ANKRD24: variants seen among roughly 807,000 people sequenced by gnomAD.
ANKRD24 encodes the protein ankyrin repeat domain 24.
ANKRD24 carries 109 observed loss-of-function variants against 127.8 expected under a neutral mutation model. The ratio of observed to expected loss-of-function variants is 0.85; its 90% CI spans 0.73 to 1.00. The LOEUF (loss-of-function observed/expected upper bound fraction) is 1.00. Among genes scored for constraint, ANKRD24 ranks in the 50% least tolerant of loss-of-function variants. The pLI, the probability that ANKRD24 is intolerant of heterozygous loss-of-function variation, is 0.00. For synonymous variants in ANKRD24, 743 were observed against 671.1 expected, an observed-to-expected ratio of 1.11 and a Z score of -1.66; for missense variants, 1,648 against 1,570.2, an observed-to-expected ratio of 1.05 and a Z score of -0.84.
chr19:4,202,890 G>C lies in ANKRD24; in HGVS notation c.430G>C (p.Val144Leu), dbSNP rs1376571961. 6.3e-7 allele frequency: 1 copy of C among 1,590,742 alleles called. No individual in the cohort carries two copies. Among genetic ancestry groups the C allele is most frequent in the South Asian group, 1.2e-5 (1 of 86,872 alleles). ...CCAGGCTTCCTGCGTGGTGGACGTC[G>C]TGGACAGCAGCGGGTGGACTGCCCT... ...LLQASCVVDVVDSSGWTALHH... is the reference protein window; with the variant it reads ...LLQASCVVDVLDSSGWTALHH... Residue 144 changes from valine (V) to leucine (L), a missense_variant, in exon 7 of 22, where the codon GTG (valine) becomes CTG (leucine). Val to Leu is a conservative substitution (Grantham distance 32). Coordinates refer to ENST00000318934, the MANE Select transcript of ANKRD24 (RefSeq NM_001393985.1).
intron 2 of ANKRD24, among the ~76,000 whole-genome samples, chr19:4,197,785 A>T (rs556562409): frequency 6.6e-6 from 1 of 151,572 alleles, no homozygotes; most frequent in African/African-American, 2.4e-5. Flanking sequence ...GAACAAGCGA[A>T]TGAATGAATA....
chr19:4,216,529 G>A (rs1035958325), intron 17 of ANKRD24, 21 bp from the exon 18 acceptor site: 15 of 1,587,938 alleles, frequency 9.4e-6, no homozygotes, highest in Non-Finnish European at 1.3e-5. Flanking sequence ...CCAGACTCCT[G>A]CCCCCCACTC....
At chr19:4,196,623 C>T (rs1968757929) in intron 2 of ANKRD24, among the ~76,000 whole-genome samples, 1 of 152,204 alleles carries the variant, frequency 6.6e-6, no homozygotes, top group Non-Finnish European at 1.5e-5. Flanking sequence ...GATCTGCCCG[C>T]CTCGGCCTCC....
chr19:4,217,304 C>T lies in ANKRD24; in HGVS notation c.2144C>T (p.Ala715Val). Residue 715 changes from alanine (A) to valine (V), a missense_variant, in exon 18 of 22, where the codon GCA (alanine) becomes GTA (valine). Physicochemically the swap from Ala to Val is moderately conservative, Grantham distance 64. Transcript: ENST00000318934. ...SAGPILHPGA[A>V]EASEKLQVEL... is the part of the protein sequence containing the mutation. ...GGCCCCATCCTACATCCTGGTGCCG[C>T]AGAGGCCTCGGAAAAGCTTCAAGTA... The T allele has an allele frequency of 6.4e-7, 1 of 1,553,630 alleles. No individual in the cohort carries two copies. The highest frequency in any genetic ancestry group is 8.7e-7 in the Non-Finnish European group (1 of 1,148,244).
chr19:4,205,949 T>C (rs1969355811), intron 7 of ANKRD24, among the ~76,000 whole-genome samples: 1 of 150,742 alleles, frequency 6.6e-6, no homozygotes, highest in Non-Finnish European at 1.5e-5. Flanking sequence ...GAGACCATCC[T>C]GGCTAACACG....
rs187710811 is a variant in ANKRD24, at chr19:4,218,552, A to G, written c.3003+389A>G. Among the ~76,000 whole-genome samples the G allele has an allele frequency of 4.0e-3, 613 of 152,106 alleles. 3 individuals are homozygous for G. The highest frequency in any genetic ancestry group is 0.014 in the African/African-American group (581 of 41,494). On this transcript the variant is annotated intron_variant, in intron 18 of 21. Transcript: ENST00000318934. ...TGACCTCAGGTGATCCACCCACCTC[A>G]GCCTCTCAAAGTGCTGGGATTATGG...
chr19:4,189,243 C>CTTTTTTTTTT (rs398033749), intron 2 of ANKRD24, among the ~76,000 whole-genome samples: 55 of 73,942 alleles, frequency 7.4e-4, no homozygotes, highest in East Asian at 1.9e-3. Flanking sequence ...TTTCTTTCTT[C>CTTTTTTTTTT]TTTTTTTTTT....
At chr19:4,206,396 G>A (rs1255096603) in intron 7 of ANKRD24, among the ~76,000 whole-genome samples, 1 of 151,460 alleles carries the variant, frequency 6.6e-6, no homozygotes, top group East Asian at 1.9e-4. Context: ...GCGGCAGATT[G>A]CTTGAGCCCA....
intron 2 of ANKRD24, among the ~76,000 whole-genome samples, chr19:4,193,845 G>GAGGGAGGGAAGGAAGGA (rs573649233): frequency 0.018 from 743 of 40,576 alleles, 144 homozygotes; most frequent in African/African-American, 0.089. Flanking sequence ...GGGAGGGAGG[G>GAGGGAGGGAAGGAAGGA]AGGAAGGAAG....
At position 4,216,607 on chromosome 19, in the gene ANKRD24, G is replaced by A; in HGVS notation, c.1447G>A (p.Val483Ile). The change falls in exon 18 of 22, where the codon GTC becomes ATC. Residue 483 changes from valine to isoleucine, a missense_variant. Physicochemically the swap from Val to Ile is conservative, Grantham distance 29 (BLOSUM62 3). Transcript: ENST00000318934. ...GATGGAAGTGGAAGCTTTGGCAGAG[G>A]TCATCCCTCTTGCCCTCTATGACTC... ...TQMEVEALAE[V>I]IPLALYDSLR... 6.2e-7 allele frequency: 1 copy of A among 1,611,742 alleles called. No individual in the cohort carries two copies. Among genetic ancestry groups the A allele is most frequent in the Non-Finnish European group, 8.5e-7 (1 of 1,179,046 alleles).
intron 21 of ANKRD24, 109 bp downstream of exon 21, chr19:4,224,301 C>G: frequency 7.1e-7 from 1 of 1,413,968 alleles, no homozygotes; most frequent in East Asian, 2.5e-5. Context: ...GGGAGAGGTT[C>G]GTGGCATGTG....
At chr19:4,207,085 CTTT>C (rs34475477) in intron 7 of ANKRD24, 154 bp from the exon 8 acceptor site, 8,875 of 420,652 alleles carry the variant, frequency 0.021, no homozygotes, top group Middle Eastern at 0.031. Flanking sequence ...ATAATGTTTG[CTTT>C]TTTTTTTTTT....
intron 7 of ANKRD24, among the ~76,000 whole-genome samples, chr19:4,203,435 C>T (rs1050971028): frequency 1.3e-5 from 2 of 152,144 alleles, no homozygotes; most frequent in African/African-American, 4.8e-5. Context: ...CATCCTTGAC[C>T]TCCCGGGTTC....
In ANKRD24 at chr19:4,199,005, C is replaced by T. The variant is rs981153245; in HGVS notation, c.37-678C>T. On this transcript the variant is annotated intron_variant, in intron 2 of 21. Transcript: ENST00000318934. The surrounding 1 kb of genome is among the most constrained non-coding windows in gnomAD (Gnocchi z 5.2). ...GAACACTTCAGGAATTTGGGGGAGA[C>T]ATTTCGTAATGCATTTCAGGCTATA... is the stretch of plus-strand genomic sequence containing the variant. 6.6e-6 allele frequency among the ~76,000 whole-genome samples: 1 copy of T among 152,018 alleles called. No homozygotes were observed. The highest frequency in any genetic ancestry group is 1.5e-5 in the Non-Finnish European group (1 of 68,016).
intron 11 of ANKRD24, 49 bp downstream of exon 11, chr19:4,208,850 T>G: frequency 6.3e-7 from 1 of 1,581,352 alleles, no homozygotes; most frequent in Non-Finnish European, 8.7e-7. Flanking sequence ...GCATCCACAC[T>G]AACTTCTCCC....
intron 20 of ANKRD24, among the ~76,000 whole-genome samples, chr19:4,223,657 C>T (rs898804657): frequency 2.6e-5 from 4 of 152,030 alleles, no homozygotes; most frequent in South Asian, 2.1e-4. Flanking sequence ...CTCCGCCTCC[C>T]GGGTTCAAGC....
At chr19:4,221,020 C>T (rs1424999409) in intron 19 of ANKRD24, among the ~76,000 whole-genome samples, 1 of 152,048 alleles carries the variant, frequency 6.6e-6, no homozygotes, top group Non-Finnish European at 1.5e-5. Flanking sequence ...CCTCAGCCTC[C>T]TGAGTAGCCA....
rs1017786336 is a variant in ANKRD24, at chr19:4,214,192, G to T, written c.1197+1494G>T. Among the ~76,000 whole-genome samples, 7 of 151,782 alleles carry T rather than the reference G, an allele frequency of 4.6e-5. No homozygotes were observed. The South Asian group carries it at 6.3e-4, about 14-fold the overall frequency. On this transcript the variant is annotated intron_variant, in intron 15 of 21. Transcript: ENST00000318934. ...TATTTCTTTTTTTTTTTTGAGACAGGGTCTTGTTCTGTTGTCCAGGCTGGA... is the reference window on the plus strand; with the variant it reads ...TATTTCTTTTTTTTTTTTGAGACAGTGTCTTGTTCTGTTGTCCAGGCTGGA...
Position 4,199,884 on chromosome 19 carries a change from TG to T in ANKRD24, c.137del (p.Gly46AlafsTer33). ...TGGGCGTGCCCTGCAGAGTCAAGAC[TG>T]GGGCAAGAGTGACGAGAGGCTGCTA... is the stretch of plus-strand genomic sequence containing the variant. ...AARGRRQSQDWGKSDERLLQA... is the reference protein window; with the variant it reads ...AARGRRQSQDXGKSDERLLQA... On this transcript the variant is annotated frameshift_variant, in exon 4 of 22. Coordinates refer to ENST00000318934, the MANE Select transcript of ANKRD24 (RefSeq NM_001393985.1). LOFTEE classifies it high-confidence loss of function. This position sits in a 1 kb window ranked among gnomAD's most constrained non-coding sequence, Gnocchi z 5.2. 6.4e-7 allele frequency: 1 copy of T among 1,571,184 alleles called. No individual in the cohort carries two copies. The highest frequency in any genetic ancestry group is 8.6e-7 in the Non-Finnish European group (1 of 1,159,350).
Sources: gnomAD v4.1 joint callset for allele counts (sites outside exome capture counted in the v4.1 genomes callset) on GRCh38, gnomAD v4.1.1 for gene constraint, Gnocchi (gnomAD v3.1) non-coding constraint, MANE v1.5 for transcripts, NCBI Gene and HGNC (gene_info 2026-07-23, HGNC 2026-07-21) for gene names.